The following WDR91 variants were observed in gnomAD, a reference collection of about 807,000 sequenced individuals.
WDR91 encodes the protein WD repeat domain 91.
WDR91 carries 52 observed loss-of-function variants against 88.4 expected under a neutral mutation model. The ratio of observed to expected loss-of-function variants is 0.59; its 90% confidence interval spans 0.47 to 0.74. The LOEUF (loss-of-function observed/expected upper bound fraction) is 0.74, where lower values mean the gene tolerates loss of function less well. Ranked by LOEUF, WDR91 falls within the 30% of genes least tolerant of loss-of-function variation. The pLI, the probability that WDR91 is intolerant of heterozygous loss-of-function variation, is 0.00. For missense variants in WDR91, 824 were observed against 954.5 expected, an observed-to-expected ratio of 0.86 and a Z score of 1.80; for synonymous variants, 362 against 389.5, an observed-to-expected ratio of 0.93 and a Z score of 0.83.
In WDR91 at chr7:135,196,558, A is replaced by C. The variant is rs577735829; in HGVS notation, c.1051-221T>G. On this transcript the variant is annotated intron_variant, in intron 7 of 14. Coordinates refer to ENST00000354475, the MANE Select transcript of WDR91 (RefSeq NM_014149.4). This position sits in a 1 kb window ranked among gnomAD's most constrained non-coding sequence, Gnocchi z 4.2. ...CCCCTTCCTGGAGACTTTGCTCCAC[A>C]CAGGCCCTGCTGAAGGAGAGGGGGC... Among the ~76,000 whole-genome samples the C allele has an allele frequency of 6.6e-6, 1 of 152,232 alleles. No individual in the cohort carries two copies. The highest frequency in any genetic ancestry group is 2.4e-5 in the African/African-American group (1 of 41,554).
In WDR91 at chr7:135,205,910, G is replaced by T; in HGVS notation, c.725+18C>A. The T allele has an allele frequency of 6.2e-7, 1 of 1,612,608 alleles. No homozygotes were observed. The highest frequency in any genetic ancestry group is 8.5e-7 in the Non-Finnish European group (1 of 1,179,954). Reference sequence around the variant, plus strand: ...CACAGAGGGCAAAGAAAAGGAAAGGGCCGTCACACACACTCACAGTTCCGA... The same window carrying T: ...CACAGAGGGCAAAGAAAAGGAAAGGTCCGTCACACACACTCACAGTTCCGA... On this transcript the variant is annotated intron_variant, in intron 5 of 14. Transcript: ENST00000354475.
At chr7:135,198,294 T>C in intron 6 of WDR91, 143 bp from the exon 7 acceptor site, 1 of 963,010 alleles carries the variant, frequency 1.0e-6, no homozygotes, top group South Asian at 1.7e-5. Flanking sequence ...GCTATGTAGG[T>C]GAGGTCATAG....
chr7:135,193,768 G>C, intron 9 of WDR91, 96 bp from the exon 10 acceptor site: 1 of 1,006,762 alleles, frequency 9.9e-7, no homozygotes, highest in South Asian at 1.4e-5. Context: ...CAGGCTGTGG[G>C]GGTGAGGCCC....
chr7:135,209,300 C>T (rs1193630509), intron 2 of WDR91, among the ~76,000 whole-genome samples: 1 of 152,152 alleles, frequency 6.6e-6, no homozygotes, highest in Non-Finnish European at 1.5e-5. Context: ...CAAACTTTAA[C>T]CCAGCTACTT....
In WDR91 at chr7:135,185,052, T is replaced by A. The variant is rs1455931334; in HGVS notation, c.*1099A>T. The stretch of plus-strand genomic sequence containing the variant: ...GCCTGGCTAATTTTGGTATTTTTAG[T>A]AGAGATGGGGTTTCACCATGTTGGC... On this transcript the variant is annotated 3_prime_UTR_variant, in exon 15 of 15. Transcript: ENST00000354475. 6.6e-6 allele frequency: 1 copy of A among 152,178 alleles called. No individual in the cohort carries two copies. Among genetic ancestry groups the A allele is most frequent in the Non-Finnish European group, 1.5e-5 (1 of 68,104 alleles). The allele number at this position is 152,178 out of a possible 1,614,324, so 9.4% of individuals were successfully genotyped here. A position where few individuals can be genotyped will look rare whatever the true frequency, so the allele number is the denominator to read the frequency against.
chr7:135,198,295 G>A, intron 6 of WDR91, 144 bp from the exon 7 acceptor site: 1 of 945,944 alleles, frequency 1.1e-6, no homozygotes, highest in East Asian at 2.7e-5. Context: ...CTATGTAGGT[G>A]AGGTCATAGT....
rs1368415353 is a variant in WDR91 at position 135,208,949 on chromosome 7, TC to T, written c.352del (p.Glu118AsnfsTer46). The stretch of plus-strand genomic sequence containing the variant: ...CTTCCACTCAGCCTGGTTCTGGAGT[TC>T]CGTGGCCTGCTTTGCAAAGAACTCC... ...AQEFFAKQAT[E>X]LQNQAEWKDW... On this transcript the variant is annotated frameshift_variant, in exon 3 of 15. Coordinates refer to ENST00000354475, the MANE Select transcript of WDR91 (RefSeq NM_014149.4). LOFTEE classifies it high-confidence loss of function. 4 of 1,614,178 alleles carry T rather than the reference TC, an allele frequency of 2.5e-6. No homozygotes were observed. The highest frequency in any genetic ancestry group is 3.4e-6 in the Non-Finnish European group (4 of 1,180,024).
At chr7:135,186,358 A>T in intron 14 of WDR91, 43 bp from the exon 15 acceptor site, 1 of 1,593,884 alleles carries the variant, frequency 6.3e-7, no homozygotes, top group Non-Finnish European at 8.5e-7. Flanking sequence ...AGCAAACACC[A>T]GTTACACACA....
chr7:135,210,077 C>T (rs1202472808), intron 1 of WDR91, among the ~76,000 whole-genome samples: 1 of 152,174 alleles, frequency 6.6e-6, no homozygotes, highest in African/African-American at 2.4e-5. Context: ...AGGCCAGGCA[C>T]CGTGGCTCAC....
Position 135,196,384 on chromosome 7 carries a change from AC to A in WDR91, c.1051-48del. 6.8e-7 allele frequency: 1 copy of A among 1,471,988 alleles called. No individual in the cohort carries two copies. The allele number at this position is 1,471,988 out of a possible 1,614,324, so 91.2% of individuals were successfully genotyped here. The stretch of plus-strand genomic sequence containing the variant: ...CAAGTCAGCCAGGAAAGGGTCCCCC[AC>A]ACCAGGGTGTACACCGCAGGGGGTC... On this transcript the variant is annotated intron_variant, in intron 7 of 14. Transcript: ENST00000354475. This position sits in a 1 kb window ranked among gnomAD's most constrained non-coding sequence, Gnocchi z 4.2.
chr7:135,187,354 A>G (rs944904171), intron 13 of WDR91, among the ~76,000 whole-genome samples, 185 bp from the exon 14 acceptor site: 2 of 152,240 alleles, frequency 1.3e-5, no homozygotes, highest in African/African-American at 4.8e-5. Flanking sequence ...AGAGGTCTAC[A>G]GGTCCTATCT....
At chr7:135,208,687 G>T in intron 3 of WDR91, 104 bp downstream of exon 3, 2 of 1,077,132 alleles carry the variant, frequency 1.9e-6, no homozygotes, top group Non-Finnish European at 2.6e-6. Context: ...TGGTCCCTGG[G>T]CATTTTTGTA....
At chr7:135,210,836 G>C in intron 1 of WDR91, 1 of 703,634 alleles carries the variant, frequency 1.4e-6, no homozygotes, top group Non-Finnish European at 2.6e-6. Flanking sequence ...CAAGAACCTC[G>C]CAATGGAAAA....
At chr7:135,186,844 T>A in intron 14 of WDR91, 128 bp downstream of exon 14, 1 of 1,130,836 alleles carries the variant, frequency 8.8e-7, no homozygotes, top group Admixed American at 1.9e-5. Flanking sequence ...CGATCCTTTG[T>A]CAAAGGCATC....
intron 4 of WDR91, among the ~76,000 whole-genome samples, chr7:135,206,429 G>T (rs56116353): frequency 0.95 from 144,907 of 151,770 alleles, 69,500 homozygotes; most frequent in East Asian, 1. Flanking sequence ...AAAAAAACCT[G>T]TTAATGAACT....
chr7:135,196,467 A>G lies in WDR91; in HGVS notation c.1051-130T>C. On this transcript the variant is annotated intron_variant, in intron 7 of 14. Coordinates refer to ENST00000354475, the MANE Select transcript of WDR91 (RefSeq NM_014149.4). The surrounding 1 kb of genome is among the most constrained non-coding windows in gnomAD (Gnocchi z 4.2). ...TCGGTAATTACAGAGTGGAGAGGAG[A>G]GCTCTGACCTGCGAGGGTAGTGCTC... 3 of 869,620 alleles carry G rather than the reference A, an allele frequency of 3.4e-6. No individual in the cohort carries two copies. The highest frequency in any genetic ancestry group is 4.9e-6 in the Non-Finnish European group (3 of 610,262). 53.9% of individuals were successfully genotyped at this position (869,620 alleles called of 1,614,324 possible). A position where few individuals can be genotyped will look rare whatever the true frequency, so the allele number is the denominator to read the frequency against.
At chr7:135,204,544 G>T in intron 5 of WDR91, 111 bp from the exon 6 acceptor site, 1 of 1,199,482 alleles carries the variant, frequency 8.3e-7, no homozygotes, top group Non-Finnish European at 1.2e-6. Flanking sequence ...CCTGGGTCAG[G>T]TCCAAGAGCC....
chr7:135,186,953 AC>A lies in WDR91; in HGVS notation c.2079+18del, dbSNP rs1562943179. On this transcript the variant is annotated intron_variant, in intron 14 of 14. Coordinates refer to ENST00000354475, the MANE Select transcript of WDR91 (RefSeq NM_014149.4). ...GCCCACCACAATACCACTACCTCCC[AC>A]CCCCAACCATCAGTTACCTTGTAGA... is the stretch of plus-strand genomic sequence containing the variant. The A allele has an allele frequency of 6.2e-7, 1 of 1,612,498 alleles. No homozygotes were observed.
rs575582062 is a variant in WDR91 at position 135,207,319 on chromosome 7, G to C, written c.512-117C>G. On this transcript the variant is annotated intron_variant, in intron 3 of 14. Coordinates refer to ENST00000354475, the MANE Select transcript of WDR91 (RefSeq NM_014149.4). ...GACACAGAGAACAGAGTATAGGAGCGGTGCTGTGGGCTCTTGCGGGCTTAA... is the reference window on the plus strand; with the variant it reads ...GACACAGAGAACAGAGTATAGGAGCCGTGCTGTGGGCTCTTGCGGGCTTAA... 32 of 834,478 alleles carry C rather than the reference G, an allele frequency of 3.8e-5. No individual in the cohort carries two copies. The Admixed American group carries it at 5.8e-4, about 15-fold the overall frequency. The allele number at this position is 834,478 out of a possible 1,614,324, so 51.7% of individuals were successfully genotyped here.
Sources: allele counts gnomAD v4.1 joint callset (sites outside exome capture counted in the v4.1 genomes callset), GRCh38; gene constraint gnomAD v4.1.1; non-coding constraint Gnocchi (gnomAD v3.1); transcripts MANE v1.5; gene names NCBI Gene and HGNC (gene_info 2026-07-23, HGNC 2026-07-21).